Variants in LRP1B observed in about 807,000 individuals in gnomAD.
LRP1B encodes the protein LDL receptor related protein 1B.
LRP1B carries 217 observed loss-of-function variants against 556.6 expected under a neutral mutation model. The ratio of observed to expected loss-of-function variants is 0.39; its 90% CI spans 0.35 to 0.44. LRP1B has a LOEUF of 0.44. Ranked by LOEUF, LRP1B falls within the 20% of genes least tolerant of loss-of-function variation. The pLI is 1.00. For missense variants in LRP1B, 5,053 were observed against 5,620.8 expected (o/e 0.90, Z 3.23); for synonymous variants, 2,047 against 1,865.8 (o/e 1.10, Z -2.50).
intron 2 of LRP1B, among the ~76,000 whole-genome samples, chr2:141,482,374 G>A (rs4254452): frequency 0.9 from 136,651 of 152,040 alleles, 62,182 homozygotes; most frequent in East Asian, 1. Context: ...GTGTATTTAT[G>A]TAATTACTAC....
At chr2:141,890,390 A>ATGTATTGTGTGTATATATATGTATT (rs375936846) in intron 1 of LRP1B, among the ~76,000 whole-genome samples, 1 of 135,968 alleles carries the variant, frequency 7.4e-6, no homozygotes, top group African/African-American at 2.8e-5. Context: ...ATACATATAT[A>ATGTATTGTGTGTATATATATGTATT]GTGTATATAT....
intron 3 of LRP1B, among the ~76,000 whole-genome samples, chr2:141,372,498 T>A (rs1689264119): frequency 6.6e-6 from 1 of 152,152 alleles, no homozygotes; most frequent in African/African-American, 2.4e-5. Flanking sequence ...TGGCTGTGCA[T>A]CCAACTGGTC....
intron 2 of LRP1B, among the ~76,000 whole-genome samples, chr2:141,609,738 T>C (rs1688038685): frequency 1.3e-5 from 2 of 152,168 alleles, no homozygotes; most frequent in Admixed American, 6.5e-5. Flanking sequence ...AATGGTGATT[T>C]TCTTCCAGGT....
intron 83 of LRP1B, among the ~76,000 whole-genome samples, chr2:140,304,703 TG>T (rs1683989655): frequency 6.6e-6 from 1 of 152,212 alleles, no homozygotes; most frequent in African/African-American, 2.4e-5. Context: ...CCATTGCTTT[TG>T]GTGTTTTAGA....
At chr2:142,058,975 T>C (rs1214195884) in intron 1 of LRP1B, among the ~76,000 whole-genome samples, 2 of 152,158 alleles carry the variant, frequency 1.3e-5, no homozygotes, top group Non-Finnish European at 2.9e-5. Flanking sequence ...GCATGATTTA[T>C]AGGGTTTGCC....
chr2:142,106,543 T>A (rs1014787337), intron 1 of LRP1B, among the ~76,000 whole-genome samples: 1 of 152,160 alleles, frequency 6.6e-6, no homozygotes, highest in African/African-American at 2.4e-5. Flanking sequence ...TCAGGGCCAA[T>A]CTATACTCCA....
intron 41 of LRP1B, among the ~76,000 whole-genome samples, chr2:140,663,038 A>G (rs1685151510): frequency 6.6e-6 from 1 of 152,152 alleles, no homozygotes; most frequent in Non-Finnish European, 1.5e-5. Context: ...TTTTAAGTAA[A>G]ACAACATGTA....
At chr2:140,676,532 G>A (rs1233647919) in intron 41 of LRP1B, among the ~76,000 whole-genome samples, 3 of 152,112 alleles carry the variant, frequency 2.0e-5, no homozygotes, top group Non-Finnish European at 4.4e-5. Context: ...AAGGTAAGCA[G>A]TTTGATAACT....
chr2:141,788,841 A>G (rs1332059533), intron 2 of LRP1B, among the ~76,000 whole-genome samples: 1 of 152,002 alleles, frequency 6.6e-6, no homozygotes, highest in Non-Finnish European at 1.5e-5. Context: ...TTCCAGCTTC[A>G]TCCATGTCCC....
At chr2:141,347,917 A>G (rs1688311259) in intron 3 of LRP1B, among the ~76,000 whole-genome samples, 1 of 152,102 alleles carries the variant, frequency 6.6e-6, no homozygotes, top group South Asian at 2.1e-4. Context: ...TGGAAATAAT[A>G]TTTAAAATAT....
At chr2:141,798,036 T>A (rs1347414361) in intron 2 of LRP1B, among the ~76,000 whole-genome samples, 2 of 152,090 alleles carry the variant, frequency 1.3e-5, no homozygotes. Context: ...GTTGGAGAAG[T>A]TTGAATGGGA....
At chr2:141,488,202 T>C (rs1683188608) in intron 2 of LRP1B, among the ~76,000 whole-genome samples, 1 of 152,146 alleles carries the variant, frequency 6.6e-6, no homozygotes, top group Admixed American at 6.6e-5. Context: ...CACTCTATTT[T>C]ACAATATTGG....
intron 2 of LRP1B, among the ~76,000 whole-genome samples, chr2:141,523,200 C>T (rs1684584674): frequency 6.6e-6 from 1 of 152,080 alleles, no homozygotes; most frequent in Non-Finnish European, 1.5e-5. Context: ...ATGATTATAA[C>T]ATTAAACACT....
At chr2:140,324,281 A>C (rs1237358463) in intron 80 of LRP1B, among the ~76,000 whole-genome samples, 1 of 152,032 alleles carries the variant, frequency 6.6e-6, no homozygotes, top group Non-Finnish European at 1.5e-5. Context: ...AAACATAAAA[A>C]TACACTTCCA....
At chr2:141,202,287 G>C (rs185802438) in intron 6 of LRP1B, among the ~76,000 whole-genome samples, 19 of 150,180 alleles carry the variant, frequency 1.3e-4, no homozygotes, top group Admixed American at 1.2e-3. Context: ...TTGGTGATAT[G>C]TACTATATTT....
chr2:141,791,387 A>C (rs758965666), intron 2 of LRP1B, among the ~76,000 whole-genome samples: 52 of 152,024 alleles, frequency 3.4e-4, no homozygotes, highest in Non-Finnish European at 2.6e-4. Context: ...ATACACACAC[A>C]CACAACCTGG....
intron 59 of LRP1B, among the ~76,000 whole-genome samples, chr2:140,478,144 C>CTTTTT (rs35948232): frequency 5.6e-4 from 35 of 62,774 alleles, no homozygotes; most frequent in African/African-American, 1.8e-3. Flanking sequence ...TATAACTTAA[C>CTTTTT]TTTTTTTTTT....
intron 3 of LRP1B, among the ~76,000 whole-genome samples, chr2:141,452,076 C>A (rs939001811): frequency 2.0e-5 from 3 of 152,126 alleles, no homozygotes; most frequent in Non-Finnish European, 2.9e-5. Context: ...TAACTATCTA[C>A]CTTATTACCA....
intron 35 of LRP1B, among the ~76,000 whole-genome samples, chr2:140,735,859 A>T (rs937324812): frequency 4.6e-5 from 7 of 152,194 alleles, no homozygotes; most frequent in Non-Finnish European, 7.3e-5. Flanking sequence ...CCAATGCAGC[A>T]GTGAGAAATA....
Sources: gnomAD v4.1 joint callset for allele counts (sites outside exome capture counted in the v4.1 genomes callset) on GRCh38, gnomAD v4.1.1 for gene constraint, MANE v1.5 for transcripts, NCBI Gene and HGNC (gene_info 2026-07-23, HGNC 2026-07-21) for gene names.